Variants in RIMBP2 observed in about 807,000 individuals in gnomAD.
The protein encoded by RIMBP2 is RIMS-binding protein 2.
A neutral mutation model predicts 118.6 loss-of-function variants in RIMBP2; 48 were observed. The ratio of observed to expected loss-of-function variants is 0.40; its 90% CI spans 0.32 to 0.51. The LOEUF (loss-of-function observed/expected upper bound fraction) is 0.51, where lower values mean the gene tolerates loss of function less well. Ranked by LOEUF, RIMBP2 falls within the 20% of genes least tolerant of loss-of-function variation. The pLI is 0.41. For synonymous variants in RIMBP2, 762 were observed against 742.9 expected (o/e 1.03, Z -0.42); for missense variants, 1,551 against 1,768.3 (o/e 0.88, Z 2.20).
chr12:130,407,656 G>T, intron 20 of RIMBP2, 70 bp downstream of exon 20: 2 of 1,230,746 alleles, frequency 1.6e-6, no homozygotes, highest in South Asian at 1.2e-5. Context: ...CGTGGCCTCA[G>T]TGTGGTGTAC....
intron 20 of RIMBP2, among the ~76,000 whole-genome samples, chr12:130,407,461 G>T (rs2075284518): frequency 6.6e-6 from 1 of 152,222 alleles, no homozygotes; most frequent in Admixed American, 6.5e-5. Context: ...GTGGATGACA[G>T]ATTGTTCTTT....
chr12:130,514,209 G>A (rs566784157), intron 3 of RIMBP2, among the ~76,000 whole-genome samples: 15 of 152,342 alleles, frequency 9.8e-5, no homozygotes, highest in African/African-American at 3.1e-4. Context: ...TGTCCATGCC[G>A]GGTGAGCTGC....
intron 2 of RIMBP2, among the ~76,000 whole-genome samples, chr12:130,546,642 T>C (rs2055202303): frequency 6.6e-6 from 1 of 152,140 alleles, no homozygotes; most frequent in African/African-American, 2.4e-5. Flanking sequence ...AAATATGATA[T>C]TGTTATTTTC....
intron 2 of RIMBP2, among the ~76,000 whole-genome samples, chr12:130,597,769 A>G (rs2059641580): frequency 1.3e-5 from 2 of 152,258 alleles, no homozygotes; most frequent in African/African-American, 4.8e-5. Flanking sequence ...CCTATGAAAT[A>G]CTTGCAATTA....
At chr12:130,679,002 C>T (rs542486184) in intron 1 of RIMBP2, among the ~76,000 whole-genome samples, 20 of 152,120 alleles carry the variant, frequency 1.3e-4, no homozygotes, top group African/African-American at 3.6e-4. Flanking sequence ...CACAACACTG[C>T]GAGTGCACTA....
chr12:130,655,406 A>T (rs1160358285), intron 1 of RIMBP2, among the ~76,000 whole-genome samples: 1 of 152,100 alleles, frequency 6.6e-6, no homozygotes, highest in African/African-American at 2.4e-5. Context: ...TGTGGGAGAG[A>T]GGAAGACAGG....
At chr12:130,423,885 C>T (rs1275557514) in intron 16 of RIMBP2, among the ~76,000 whole-genome samples, 2 of 152,058 alleles carry the variant, frequency 1.3e-5, no homozygotes, top group Non-Finnish European at 2.9e-5. Context: ...TTCAGTTGTC[C>T]TTTAATTCAA....
intron 1 of RIMBP2, among the ~76,000 whole-genome samples, chr12:130,659,560 CTCTGTCTCAAACA>C (rs1205060968): frequency 5.3e-5 from 7 of 133,090 alleles, no homozygotes; most frequent in African/African-American, 1.9e-4. Flanking sequence ...CAGAGCGAGA[CTCTGTCTCAAACA>C]AAAAAAAAAA....
At chr12:130,565,007 T>C (rs12819132) in intron 2 of RIMBP2, among the ~76,000 whole-genome samples, 22,871 of 152,210 alleles carry the variant, frequency 0.15, 1,892 homozygotes, top group East Asian at 0.38. Context: ...CTGTATAAAT[T>C]AATTATGTAC....
In RIMBP2 at chr12:130,711,169, G is replaced by C. The variant is rs182900858; in HGVS notation, c.-352+5053C>G. Among the ~76,000 whole-genome samples, 305 of 152,294 alleles carry C rather than the reference G, an allele frequency of 2.0e-3. 2 individuals are homozygous for C. Among genetic ancestry groups the C allele is most frequent in the African/African-American group, 7.0e-3 (289 of 41,564 alleles). Reference sequence around the variant, plus strand: ...GAGGCAGGAGAATCGCTTGAGCCCAGGAGGCGGAGGCTGCAGTGAGCTGAG... The same window carrying C: ...GAGGCAGGAGAATCGCTTGAGCCCACGAGGCGGAGGCTGCAGTGAGCTGAG... On this transcript the variant is annotated intron_variant, in intron 1 of 22. Transcript: ENST00000690449.
intron 2 of RIMBP2, among the ~76,000 whole-genome samples, chr12:130,531,813 A>C (rs10744463): frequency 0.75 from 111,488 of 149,436 alleles, 41,812 homozygotes; most frequent in East Asian, 0.84. Flanking sequence ...CATGAGAGTC[A>C]AAACCCAGAT....
chr12:130,590,620 CA>C (rs1392609725), intron 2 of RIMBP2, among the ~76,000 whole-genome samples: 1 of 152,206 alleles, frequency 6.6e-6, no homozygotes, highest in Non-Finnish European at 1.5e-5. Context: ...AGAGGGTTTA[CA>C]TCTGCACTAG....
In RIMBP2 at chr12:130,396,602, A is replaced by T. The variant is rs2074094878; in HGVS notation, c.*759T>A. 6.5e-6 allele frequency: 1 copy of T among 152,684 alleles called. No homozygotes were observed. Among genetic ancestry groups the T allele is most frequent in the South Asian group, 2.1e-4 (1 of 4,832 alleles). The allele number at this position is 152,684 out of a possible 1,614,324, so 9.5% of individuals were successfully genotyped here. On this transcript the variant is annotated 3_prime_UTR_variant, in exon 23 of 23. Coordinates refer to ENST00000690449, the MANE Select transcript of RIMBP2 (RefSeq NM_001393629.1). ...GGTATGGCATTTTGACAACGAAAGTAACAGAAAACCATATGCCACAGAATA... is the reference window on the plus strand; with the variant it reads ...GGTATGGCATTTTGACAACGAAAGTTACAGAAAACCATATGCCACAGAATA...
chr12:130,640,881 G>A (rs1165051030), intron 1 of RIMBP2, among the ~76,000 whole-genome samples: 1 of 152,210 alleles, frequency 6.6e-6, no homozygotes, highest in African/African-American at 2.4e-5. Context: ...TCTCTTTTCA[G>A]ATGTGAAAGA....
In RIMBP2 at chr12:130,691,740, G is replaced by T. The variant is rs561009897; in HGVS notation, c.-352+24482C>A. 3.3e-5 allele frequency among the ~76,000 whole-genome samples: 5 copies of T among 152,336 alleles called. No homozygotes were observed. The East Asian group carries it at 9.7e-4, about 29-fold the overall frequency. Reference sequence around the variant, plus strand: ...TTGGGGGAGAAAAACAGCCCAGAAGGGAAGGAGCTCATGCAGACGGTGCAG... The same window carrying T: ...TTGGGGGAGAAAAACAGCCCAGAAGTGAAGGAGCTCATGCAGACGGTGCAG... On this transcript the variant is annotated intron_variant, in intron 1 of 22. Coordinates refer to ENST00000690449, the MANE Select transcript of RIMBP2 (RefSeq NM_001393629.1).
At chr12:130,610,548 CTGCTTTTTTTTT>C (rs1202690464) in intron 2 of RIMBP2, among the ~76,000 whole-genome samples, 1 of 129,914 alleles carries the variant, frequency 7.7e-6, no homozygotes, top group African/African-American at 3.1e-5. Flanking sequence ...AGTAATTTTC[CTGCTTTTTTTTT>C]TTTTTTTTTT....
chr12:130,616,598 C>T (rs1483926365), intron 2 of RIMBP2, among the ~76,000 whole-genome samples: 2 of 152,178 alleles, frequency 1.3e-5, no homozygotes, highest in Non-Finnish European at 2.9e-5. Context: ...ACTGGGCGCC[C>T]AAATGTGCAG....
intron 2 of RIMBP2, among the ~76,000 whole-genome samples, chr12:130,539,513 G>A (rs116875899): frequency 6.6e-6 from 1 of 152,348 alleles, no homozygotes; most frequent in East Asian, 1.9e-4. Flanking sequence ...GCTGGGGAGA[G>A]GGCATCATGG....
Position 130,669,951 on chromosome 12 carries a change from C to T in RIMBP2, c.-351-41495G>A, listed in dbSNP as rs576470177. On this transcript the variant is annotated intron_variant, in intron 1 of 22. Coordinates refer to ENST00000690449, the MANE Select transcript of RIMBP2 (RefSeq NM_001393629.1). ...CTTTTTCCACAGAACCTAAGAATGT[C>T]GCCTTATTTGGAAAAGAAGCTTTGC... Among the ~76,000 whole-genome samples, 3 of 152,180 alleles carry T rather than the reference C, an allele frequency of 2.0e-5. No individual in the cohort carries two copies. The South Asian group carries it at 6.2e-4, about 32-fold the overall frequency.
Sources: gnomAD v4.1 joint callset for allele counts (sites outside exome capture counted in the v4.1 genomes callset) on GRCh38, gnomAD v4.1.1 for gene constraint, MANE v1.5 for transcripts, NCBI Gene and HGNC (gene_info 2026-07-23, HGNC 2026-07-21) for gene names.